SLIT3: variants seen among roughly 807,000 people sequenced by gnomAD.
SLIT3 encodes slit homolog 3 protein.
SLIT3 carries 68 observed loss-of-function variants against 184.0 expected under a neutral mutation model. That is an observed-to-expected ratio of 0.37 (90% confidence interval 0.30 to 0.45). SLIT3 has a LOEUF of 0.45. Ranked by LOEUF, SLIT3 falls within the 20% of genes least tolerant of loss-of-function variation. The pLI is 1.00. For missense variants in SLIT3, 1,707 were observed against 2,026.0 expected (o/e 0.84, Z 3.02); for synonymous variants, 831 against 828.6 (o/e 1.00, Z -0.05).
intron 4 of SLIT3, among the ~76,000 whole-genome samples, chr5:169,094,398 G>A (rs1157378192): frequency 6.6e-6 from 1 of 152,232 alleles, no homozygotes; most frequent in African/African-American, 2.4e-5. Flanking sequence ...GGAGGCCAAG[G>A]CGGGTGGATC....
chr5:169,029,793 G>A lies in SLIT3; in HGVS notation c.414-146457C>T, dbSNP rs576297349. 1.4e-3 allele frequency among the ~76,000 whole-genome samples: 208 copies of A among 152,290 alleles called. 1 individual carries two copies. Among genetic ancestry groups the A allele is most frequent in the African/African-American group, 4.9e-3 (204 of 41,552 alleles). On this transcript the variant is annotated intron_variant, in intron 4 of 35. Transcript: ENST00000519560. ...GAGAGAGCAGGCAGGCAGTGGTTGGGTTTGTGGAGAGGAATACACAATTCC... is the reference window on the plus strand; with the variant it reads ...GAGAGAGCAGGCAGGCAGTGGTTGGATTTGTGGAGAGGAATACACAATTCC...
chr5:169,239,882 A>G (rs971873960), intron 3 of SLIT3, among the ~76,000 whole-genome samples: 3 of 152,102 alleles, frequency 2.0e-5, no homozygotes, highest in African/African-American at 7.2e-5. Flanking sequence ...TACATAATAT[A>G]TACCATGAAT....
intron 5 of SLIT3, among the ~76,000 whole-genome samples, chr5:168,856,983 TG>T (rs113774136): frequency 2.6e-5 from 4 of 151,370 alleles, no homozygotes; most frequent in Non-Finnish European, 5.9e-5. Flanking sequence ...GAAGGGATGG[TG>T]GGGGGGCCTG....
chr5:169,194,640 G>A (rs962460731), intron 3 of SLIT3, among the ~76,000 whole-genome samples: 1 of 152,052 alleles, frequency 6.6e-6, no homozygotes, highest in African/African-American at 2.4e-5. Context: ...TAACAGTATT[G>A]TAGACCCTTA....
chr5:168,749,831 C>T (rs1754639054), intron 18 of SLIT3, among the ~76,000 whole-genome samples, 196 bp from the exon 19 acceptor site: 1 of 152,140 alleles, frequency 6.6e-6, no homozygotes, highest in African/African-American at 2.4e-5. Flanking sequence ...TGTGGTGTCT[C>T]GCCATGCCCT....
At chr5:169,114,640 C>A (rs1326513489) in intron 4 of SLIT3, among the ~76,000 whole-genome samples, 2 of 152,340 alleles carry the variant, frequency 1.3e-5, no homozygotes, top group Non-Finnish European at 1.5e-5. Flanking sequence ...CCCAGTGGTG[C>A]AGGCTGGGAG....
intron 3 of SLIT3, among the ~76,000 whole-genome samples, chr5:169,207,992 T>C (rs61647150): frequency 0.13 from 20,140 of 152,154 alleles, 1,648 homozygotes; most frequent in East Asian, 0.24. Flanking sequence ...TATTTTGTTA[T>C]AGCAGCTGGA....
At chr5:168,922,058 T>G (rs1310339614) in intron 4 of SLIT3, among the ~76,000 whole-genome samples, 2 of 152,212 alleles carry the variant, frequency 1.3e-5, no homozygotes, top group African/African-American at 4.8e-5. Context: ...ATTTTACAGA[T>G]GAGCAAACTG....
chr5:168,725,631 A>C (rs1216077418), intron 20 of SLIT3, among the ~76,000 whole-genome samples: 1 of 152,216 alleles, frequency 6.6e-6, no homozygotes, highest in African/African-American at 2.4e-5. Flanking sequence ...CTCAAACTTC[A>C]ACATACATGC....
intron 4 of SLIT3, among the ~76,000 whole-genome samples, chr5:169,090,862 T>C (rs976074090): frequency 9.9e-5 from 15 of 152,182 alleles, no homozygotes; most frequent in Non-Finnish European, 2.2e-4. Flanking sequence ...ACATCTTGAT[T>C]TCAGAAGTCT....
chr5:169,062,482 G>T (rs1758206422), intron 4 of SLIT3, among the ~76,000 whole-genome samples: 1 of 152,176 alleles, frequency 6.6e-6, no homozygotes, highest in South Asian at 2.1e-4. Context: ...CCTGGCCTCT[G>T]CCTTCTTCTC....
chr5:169,186,376 C>T (rs1331728562), intron 4 of SLIT3, among the ~76,000 whole-genome samples: 1 of 152,164 alleles, frequency 6.6e-6, no homozygotes, highest in African/African-American at 2.4e-5. Context: ...GGAACTAATC[C>T]AGCCAGCATC....
intron 5 of SLIT3, among the ~76,000 whole-genome samples, chr5:168,856,160 T>C (rs1446119783): frequency 6.6e-6 from 1 of 152,118 alleles, no homozygotes; most frequent in Non-Finnish European, 1.5e-5. Flanking sequence ...GTGCACTACA[T>C]TGCGAGTGTA....
Position 168,987,655 on chromosome 5 carries a change from T to G in SLIT3, c.414-104319A>C, listed in dbSNP as rs548767087. ...AGTCTTAGCCACACAAGCATCTAGC[T>G]CACTGCCTCGTACCCTATAGGAACC... is the stretch of plus-strand genomic sequence containing the variant. On this transcript the variant is annotated intron_variant, in intron 4 of 35. Transcript: ENST00000519560. Among the ~76,000 whole-genome samples, 13 of 152,344 alleles carry G rather than the reference T, an allele frequency of 8.5e-5. No individual in the cohort carries two copies. In the East Asian group the frequency reaches 2.5e-3, roughly 29 times the overall value.
intron 4 of SLIT3, among the ~76,000 whole-genome samples, chr5:169,123,354 A>C (rs1261999959): frequency 6.6e-6 from 1 of 152,200 alleles, no homozygotes; most frequent in Non-Finnish European, 1.5e-5. Flanking sequence ...AGTAGTTTAC[A>C]CATGGGTAAC....
At chr5:169,182,642 G>A (rs1179382756) in intron 4 of SLIT3, among the ~76,000 whole-genome samples, 1 of 152,226 alleles carries the variant, frequency 6.6e-6, no homozygotes, top group Non-Finnish European at 1.5e-5. Flanking sequence ...GCTGAATGTG[G>A]TTCAGGAACA....
At chr5:168,975,147 T>C (rs1007571154) in intron 4 of SLIT3, among the ~76,000 whole-genome samples, 2 of 152,100 alleles carry the variant, frequency 1.3e-5, no homozygotes, top group Admixed American at 1.3e-4. Flanking sequence ...TTCCTATACC[T>C]GGCAGATGAT....
At chr5:168,748,507 G>A (rs1290875553) in intron 19 of SLIT3, 73 bp from the exon 20 acceptor site, 1 of 1,410,026 alleles carries the variant, frequency 7.1e-7, no homozygotes, top group East Asian at 2.8e-5. Flanking sequence ...GAGCAAGGCT[G>A]CGTGTTCTCC....
At chr5:168,999,504 C>T (rs1755630859) in intron 4 of SLIT3, among the ~76,000 whole-genome samples, 1 of 152,142 alleles carries the variant, frequency 6.6e-6, no homozygotes, top group Admixed American at 6.5e-5. Flanking sequence ...CCATCCCCTT[C>T]CAATTCCAGA....
Sources: allele counts gnomAD v4.1 joint callset (sites outside exome capture counted in the v4.1 genomes callset), GRCh38; gene constraint gnomAD v4.1.1; transcripts MANE v1.5; gene names NCBI Gene and HGNC (gene_info 2026-07-23, HGNC 2026-07-21).